The following PLD5 variants were observed in gnomAD, a reference collection of about 807,000 sequenced individuals.
PLD5 encodes phospholipase D family member 5, also known as inactive phospholipase D5.
In PLD5, 36 loss-of-function variants were observed where a neutral mutation model predicts 61.1. That is an observed-to-expected ratio of 0.59 (90% confidence interval 0.45 to 0.78). The LOEUF (loss-of-function observed/expected upper bound fraction) is 0.78. Ranked by LOEUF, PLD5 falls within the 30% of genes least tolerant of loss-of-function variation. The pLI is 0.00. For missense variants in PLD5, 515 were observed against 644.4 expected (o/e 0.80, Z 2.17); for synonymous variants, 243 against 242.8 (o/e 1.00, Z -0.01).
At chr1:242,516,817 A>C (rs113104273) in intron 1 of PLD5, among the ~76,000 whole-genome samples, 1 of 152,350 alleles carries the variant, frequency 6.6e-6, no homozygotes, top group African/African-American at 2.4e-5. Flanking sequence ...ATTGCCATAT[A>C]AATTTTAGAA....
At chr1:242,098,292 C>T (rs887589145) in intron 9 of PLD5, among the ~76,000 whole-genome samples, 8 of 152,282 alleles carry the variant, frequency 5.3e-5, no homozygotes, top group African/African-American at 7.2e-5. Context: ...CTTCTCTTCT[C>T]GCTTCATTTC....
intron 5 of PLD5, among the ~76,000 whole-genome samples, chr1:242,194,915 T>G (rs913707200): frequency 1.3e-5 from 2 of 151,988 alleles, no homozygotes; most frequent in Non-Finnish European, 2.9e-5. Flanking sequence ...AGACTACAAA[T>G]TGGGTTCAGT....
chr1:242,295,333 T>A (rs1395294492), intron 2 of PLD5, among the ~76,000 whole-genome samples: 1 of 152,194 alleles, frequency 6.6e-6, no homozygotes, highest in Non-Finnish European at 1.5e-5. Context: ...TTTCCATCCG[T>A]ATGTCCTTGC....
chr1:242,528,452 T>C (rs1669490326), upstream of PLD5, among the ~76,000 whole-genome samples: 1 of 152,214 alleles, frequency 6.6e-6, no homozygotes, highest in South Asian at 2.1e-4. Context: ...TTCTATTGAA[T>C]TCAAACCTAA....
intron 1 of PLD5, chr1:242,377,431 T>C: frequency 1.2e-6 from 1 of 856,690 alleles, no homozygotes; most frequent in Non-Finnish European, 1.9e-6. Context: ...GTGTCTTCTT[T>C]TGTTTCCTCC....
At chr1:242,340,405 A>G (rs1659763474) in intron 2 of PLD5, among the ~76,000 whole-genome samples, 1 of 152,156 alleles carries the variant, frequency 6.6e-6, no homozygotes, top group African/African-American at 2.4e-5. Context: ...AAAATAGATC[A>G]AAGTTAATGT....
Position 242,261,925 on chromosome 1 carries a change from C to T in PLD5, c.607+3412G>A, listed in dbSNP as rs182135760. Among the ~76,000 whole-genome samples the T allele has an allele frequency of 2.1e-3, 316 of 152,234 alleles. 2 individuals carry two copies. Among genetic ancestry groups the T allele is most frequent in the Non-Finnish European group, 3.8e-3 (258 of 68,030 alleles). On this transcript the variant is annotated intron_variant, in intron 4 of 9. Coordinates refer to ENST00000536534, the MANE Select transcript of PLD5 (RefSeq NM_001372062.1). ...TAGAAAACTGACTGGCCGTATCTAT[C>T]GAAATCGAACACATATATAGCCTAT...
At chr1:242,463,632 A>T (rs1168921325) in intron 1 of PLD5, among the ~76,000 whole-genome samples, 1 of 152,120 alleles carries the variant, frequency 6.6e-6, no homozygotes, top group African/African-American at 2.4e-5. Flanking sequence ...CTGAGTAAGT[A>T]TCTAGGACCT....
intron 1 of PLD5, among the ~76,000 whole-genome samples, chr1:242,391,417 TA>T (rs1461503007): frequency 1.1e-4 from 16 of 152,276 alleles, no homozygotes; most frequent in Admixed American, 9.2e-4. Flanking sequence ...ACCCTGATTT[TA>T]AAAAATAAGG....
At chr1:242,396,668 CT>C (rs200515376) in intron 1 of PLD5, among the ~76,000 whole-genome samples, 35,968 of 124,762 alleles carry the variant, frequency 0.29, 5,296 homozygotes, top group Middle Eastern at 0.41. Flanking sequence ...TCTTTCTTTT[CT>C]TTTCTTTTTT....
chr1:242,256,880 C>CTTT lies in PLD5; in HGVS notation c.607+8456_607+8457insAAA, dbSNP rs1673072585. Among the ~76,000 whole-genome samples, 1 of 148,420 alleles carries CTTT rather than the reference C, an allele frequency of 6.7e-6. No homozygotes were observed. The highest frequency in any genetic ancestry group is 2.2e-4 in the South Asian group (1 of 4,630). ...TCTATCTTCCTATCTTCTTTCTTTT[C>CTTT]TCTCCCTCTTCTTTCTCTTTCTTTT... is the stretch of plus-strand genomic sequence containing the variant. On this transcript the variant is annotated intron_variant, in intron 4 of 9. Coordinates refer to ENST00000536534, the MANE Select transcript of PLD5 (RefSeq NM_001372062.1). The surrounding 1 kb of genome is among the most constrained non-coding windows in gnomAD (Gnocchi z 5.7).
chr1:242,317,354 G>C (rs1379168655), intron 2 of PLD5, among the ~76,000 whole-genome samples: 1 of 152,112 alleles, frequency 6.6e-6, no homozygotes, highest in East Asian at 1.9e-4. Context: ...CTATGTCTTT[G>C]CTGTTGTGAA....
At chr1:242,241,873 A>C (rs1672035619) in intron 4 of PLD5, among the ~76,000 whole-genome samples, 1 of 12,056 alleles carries the variant, frequency 8.3e-5, no homozygotes, top group African/African-American at 3.0e-4. Flanking sequence ...TACTTACTAT[A>C]TATATATATA....
chr1:242,323,800 A>G (rs181959348), intron 2 of PLD5, among the ~76,000 whole-genome samples: 1 of 152,306 alleles, frequency 6.6e-6, no homozygotes, highest in Non-Finnish European at 1.5e-5. Flanking sequence ...TTCTAGTACT[A>G]AAATGTTTAA....
rs1673038503 is a variant in PLD5, at chr1:242,256,699, A to G, written c.607+8638T>C. Among the ~76,000 whole-genome samples the G allele has an allele frequency of 6.6e-6, 1 of 152,072 alleles. No individual in the cohort carries two copies. The highest frequency in any genetic ancestry group is 1.5e-5 in the Non-Finnish European group (1 of 68,016). On this transcript the variant is annotated intron_variant, in intron 4 of 9. Coordinates refer to ENST00000536534, the MANE Select transcript of PLD5 (RefSeq NM_001372062.1). The surrounding 1 kb of genome is among the most constrained non-coding windows in gnomAD (Gnocchi z 5.7). ...AAAAAATAAGTGGCTGTTCTTTATA[A>G]ATTGCCCAGTCTCAGTTATTACAGC...
chr1:242,158,350 T>C, intron 5 of PLD5, among the ~76,000 whole-genome samples: 1 of 152,042 alleles, frequency 6.6e-6, no homozygotes, highest in South Asian at 2.1e-4. Flanking sequence ...CAGGCACCAC[T>C]GGGGTATAGA....
chr1:242,491,660 T>A (rs138606723), intron 1 of PLD5, among the ~76,000 whole-genome samples: 1 of 152,324 alleles, frequency 6.6e-6, no homozygotes, highest in East Asian at 1.9e-4. Context: ...CCTTCTCTAG[T>A]CTCATTTGTC....
intron 5 of PLD5, among the ~76,000 whole-genome samples, chr1:242,161,015 C>G (rs955114904): frequency 6.8e-6 from 1 of 145,996 alleles, no homozygotes; most frequent in Non-Finnish European, 1.5e-5. Flanking sequence ...CTTATATTAT[C>G]TTTTTTTATC....
At chr1:242,261,384 C>G (rs1342831150) in intron 4 of PLD5, among the ~76,000 whole-genome samples, 1 of 152,050 alleles carries the variant, frequency 6.6e-6, no homozygotes, top group African/African-American at 2.4e-5. Flanking sequence ...ATCTGAACAG[C>G]AAAATAATAT....
Sources: allele counts gnomAD v4.1 joint callset (sites outside exome capture counted in the v4.1 genomes callset), GRCh38; gene constraint gnomAD v4.1.1; non-coding constraint Gnocchi (gnomAD v3.1); transcripts MANE v1.5; gene names NCBI Gene and HGNC (gene_info 2026-07-23, HGNC 2026-07-21).